RASL12: variants seen among roughly 807,000 people sequenced by gnomAD.
RASL12 encodes the protein RAS like family 12.
In RASL12, 16 loss-of-function variants were observed where a neutral mutation model predicts 22.9. The ratio of observed to expected loss-of-function variants is 0.70; its 90% CI spans 0.47 to 1.06. RASL12 has a LOEUF of 1.06. RASL12 is among the 50% of genes least tolerant of loss of function. RASL12 has a pLI of 0.00. For missense variants in RASL12, 306 were observed against 353.1 expected (o/e 0.87, Z 1.07); for synonymous variants, 159 against 152.2 (o/e 1.04, Z -0.33).
At chr15:65,051,423 TA>T, downstream of RASL12, 1 of 1,214,086 alleles carries the variant, frequency 8.2e-7, no homozygotes, top group Non-Finnish European at 1.2e-6. Context: ...GTTGATGCTG[TA>T]AGCTGGGTCT....
chr15:65,047,471 C>G, the RASL12 span, among the ~76,000 whole-genome samples: 4 of 152,240 alleles, frequency 2.6e-5, no homozygotes, highest in South Asian at 8.3e-4. Flanking sequence ...CAGGAGTGGT[C>G]AACATGAATA....
At chr15:65,070,795 C>T (rs1006280890), upstream of RASL12, among the ~76,000 whole-genome samples, 1 of 152,176 alleles carries the variant, frequency 6.6e-6, no homozygotes, top group African/African-American at 2.4e-5. Context: ...ACATGACAAC[C>T]ACTTCTGTGG....
At chr15:65,052,087 G>A (rs2086661212), downstream of RASL12, among the ~76,000 whole-genome samples, 1 of 152,222 alleles carries the variant, frequency 6.6e-6, no homozygotes, top group Non-Finnish European at 1.5e-5. Context: ...ACAGACACAT[G>A]GGAGTTATTA....
chr15:65,071,590 C>T (rs530659173), upstream of RASL12, among the ~76,000 whole-genome samples: 1 of 152,166 alleles, frequency 6.6e-6, no homozygotes, highest in East Asian at 1.9e-4. Context: ...TGGGTGGGTG[C>T]CCGAGCCCCA....
At chr15:65,073,999 G>A (rs1301391162) in intron 1 of RASL12, among the ~76,000 whole-genome samples, 1 of 152,166 alleles carries the variant, frequency 6.6e-6, no homozygotes, top group Non-Finnish European at 1.5e-5. Context: ...AGCAAGTGTG[G>A]AATTCCCATC....
rs377569504 is a variant in RASL12 at position 65,058,551 on chromosome 15, C to A, written c.301G>T (p.Asp101Tyr). 177 of 1,610,794 alleles carry A rather than the reference C, an allele frequency of 1.1e-4. No homozygotes were observed. Among genetic ancestry groups the A allele is most frequent in the Non-Finnish European group, 1.3e-4 (159 of 1,177,886 alleles). Reference protein sequence around the residue: ...AHAFLVVYSVDSRQSFDSSSS... With the variant: ...AHAFLVVYSVYSRQSFDSSSS... ...CTGCTATCAAAGCTCTGGCGGCTGT[C>A]GACGCTGTACACCACCAGGAAGGCA... The change falls in exon 4 of 5, where the codon GAC (aspartate) becomes TAC (tyrosine). Residue 101 changes from aspartate (D) to tyrosine (Y), a missense_variant. Asp to Tyr is a radical substitution (Grantham distance 160, BLOSUM62 -3). Coordinates refer to ENST00000220062, the MANE Select transcript of RASL12 (RefSeq NM_016563.4).
downstream of RASL12, among the ~76,000 whole-genome samples, chr15:65,052,585 T>C (rs1249396513): frequency 6.6e-6 from 1 of 151,822 alleles, no homozygotes; most frequent in Admixed American, 6.6e-5. Context: ...TTAGTAGAGA[T>C]GGGGTTTTGC....
chr15:65,070,830 C>A (rs1477053134), upstream of RASL12, among the ~76,000 whole-genome samples: 1 of 152,164 alleles, frequency 6.6e-6, no homozygotes, highest in East Asian at 1.9e-4. Context: ...ATTCACATGT[C>A]AAAGGGGAAC....
intron 1 of RASL12, among the ~76,000 whole-genome samples, chr15:65,076,347 G>A (rs146421565): frequency 2.6e-5 from 4 of 152,116 alleles, no homozygotes; most frequent in African/African-American, 9.6e-5. Flanking sequence ...CAAGCCCACT[G>A]GGAGGAACGA....
Position 65,053,390 on chromosome 15 carries a change from G to C in RASL12, c.*1509C>G. The C allele has an allele frequency of 7.4e-7, 1 of 1,357,384 alleles. No homozygotes were observed. Among genetic ancestry groups the C allele is most frequent in the Non-Finnish European group, 9.5e-7 (1 of 1,057,358 alleles). 84.1% of individuals were successfully genotyped at this position (1,357,384 alleles called of 1,614,324 possible). A position where few individuals can be genotyped will look rare whatever the true frequency, so the allele number is the denominator to read the frequency against. On this transcript the variant is annotated 3_prime_UTR_variant, in exon 5 of 5. Transcript: ENST00000220062. ...AAATGCTCCTGGAAGGGAGCAGGTG[G>C]TATTGCATAGTTTGTTCAGATGGCA...
In RASL12 at chr15:65,067,759, A is replaced by T; in HGVS notation, c.77T>A (p.Leu26Gln). The change falls in exon 1 of 5, where the codon CTG becomes CAG. Residue 26 changes from leucine to glutamine, a missense_variant. By Grantham distance (113) the Leu-to-Gln change is moderately radical. Coordinates refer to ENST00000220062, the MANE Select transcript of RASL12 (RefSeq NM_016563.4). ...SAPLEVNLAILGRRGAGKSAL... is the reference protein window; with the variant it reads ...SAPLEVNLAIQGRRGAGKSAL... Reference sequence around the variant, plus strand: ...AGACTTGCCAGCCCCGCGGCGCCCCAGGATGGCCAGGTTGACCTCGAGGGG... The same window carrying T: ...AGACTTGCCAGCCCCGCGGCGCCCCTGGATGGCCAGGTTGACCTCGAGGGG... 1 of 1,574,816 alleles carries T rather than the reference A, an allele frequency of 6.3e-7. No homozygotes were observed. Among genetic ancestry groups the T allele is most frequent in the Non-Finnish European group, 8.6e-7 (1 of 1,163,158 alleles).
chr15:65,050,005 A>G, downstream of RASL12: 1 of 1,550,848 alleles, frequency 6.4e-7, no homozygotes, highest in Non-Finnish European at 8.7e-7. Flanking sequence ...GAGCAGGGGC[A>G]TGGAGCACAG....
At chr15:65,068,206 G>A, upstream of RASL12, 1 of 992,864 alleles carries the variant, frequency 1.0e-6, no homozygotes, top group South Asian at 4.7e-5. This position sits in a 1 kb window ranked among gnomAD's most constrained non-coding sequence, Gnocchi z 4.2. Flanking sequence ...ACCCGGCCGG[G>A]AAGGAGCAGA....
At chr15:65,076,560 A>G (rs1295485738) in exon 1 of RASL12, 2 of 701,998 alleles carry the variant, frequency 2.8e-6, no homozygotes, top group South Asian at 1.5e-5. Context: ...TCTTGAAGTC[A>G]GACCAAGAAC....
intron 3 of RASL12, among the ~76,000 whole-genome samples, chr15:65,058,936 C>G: frequency 6.6e-6 from 1 of 152,224 alleles, no homozygotes; most frequent in African/African-American, 2.4e-5. Context: ...TCATGCTGCC[C>G]CTTTGGCTTC....
chr15:65,051,685 GGTC>G (rs2086655243), downstream of RASL12: 2 of 1,355,406 alleles, frequency 1.5e-6, no homozygotes, highest in Middle Eastern at 1.8e-4. Context: ...TCTAGAGAGG[GGTC>G]ACTTAGGGGT....
At chr15:65,051,683 G>C (rs192771373), downstream of RASL12, 3 of 1,417,742 alleles carry the variant, frequency 2.1e-6, no homozygotes, top group Admixed American at 1.8e-5. Flanking sequence ...AATCTAGAGA[G>C]GGGTCACTTA....
chr15:65,055,877 A>G (rs1265065449), intron 4 of RASL12, among the ~76,000 whole-genome samples: 2 of 152,146 alleles, frequency 1.3e-5, no homozygotes, highest in African/African-American at 2.4e-5. Flanking sequence ...CTCATCATAA[A>G]AGCAAATAAT....
chr15:65,056,318 A>G (rs1183218440), intron 4 of RASL12, among the ~76,000 whole-genome samples: 1 of 152,052 alleles, frequency 6.6e-6, no homozygotes, highest in Non-Finnish European at 1.5e-5. Context: ...AGGGGCTGAG[A>G]GTGGGCTAGC....
Sources: gnomAD v4.1 joint callset for allele counts (sites outside exome capture counted in the v4.1 genomes callset) on GRCh38, gnomAD v4.1.1 for gene constraint, Gnocchi (gnomAD v3.1) non-coding constraint, MANE v1.5 for transcripts, NCBI Gene and HGNC (gene_info 2026-07-23, HGNC 2026-07-21) for gene names.